The following MYT1L variants were observed in gnomAD, a reference collection of about 807,000 sequenced individuals.
MYT1L encodes the protein myelin transcription factor 1 like.
MYT1L carries 12 observed loss-of-function variants against 126.7 expected under a neutral mutation model. The observed-to-expected ratio is 0.09, with a 90% CI of 0.06 to 0.15. The LOEUF (loss-of-function observed/expected upper bound fraction) is 0.15. MYT1L is among the 10% of genes least tolerant of loss of function. The pLI is 1.00. For synonymous variants in MYT1L, 541 were observed against 604.2 expected (o/e 0.90, Z 1.53); for missense variants, 979 against 1,585.2 (o/e 0.62, Z 6.49).
chr2:2,066,044 T>C (rs2071233949), intron 3 of MYT1L, among the ~76,000 whole-genome samples: 1 of 152,188 alleles, frequency 6.6e-6, no homozygotes, highest in Non-Finnish European at 1.5e-5. Context: ...CCCTTCCCAC[T>C]AAATGTTTAA....
chr2:1,867,547 G>A (rs1028908863), intron 18 of MYT1L, among the ~76,000 whole-genome samples: 3 of 152,200 alleles, frequency 2.0e-5, no homozygotes, highest in Non-Finnish European at 4.4e-5. Flanking sequence ...TCATCTGTCA[G>A]AGGAGGATTA....
intron 1 of MYT1L, chr2:2,324,631 G>C (rs920055036): frequency 6.5e-6 from 1 of 152,734 alleles, no homozygotes; most frequent in Non-Finnish European, 1.5e-5. Context: ...GGCGGGTGAA[G>C]TGCAGCCTCC....
chr2:1,956,578 A>T (rs6705958), intron 8 of MYT1L, among the ~76,000 whole-genome samples: 11,060 of 50,310 alleles, frequency 0.22, 868 homozygotes, highest in African/African-American at 0.44. Context: ...TTCCTATTCT[A>T]TCTATCTATC....
In MYT1L at chr2:2,109,940, T is replaced by G. The variant is rs529783225; in HGVS notation, c.-303-55817A>C. Among the ~76,000 whole-genome samples, 3 of 134,046 alleles carry G rather than the reference T, an allele frequency of 2.2e-5. No homozygotes were observed. In the South Asian group the frequency reaches 7.3e-4, roughly 32 times the overall value. The allele number at this position is 134,046 out of a possible 152,430, so 87.9% of individuals were successfully genotyped here. ...ATATATATATCCCTTTCAGAATAAA[T>G]TCGGAGCTAAGAGATTCTAAATCAA... On this transcript the variant is annotated intron_variant, in intron 3 of 24. Coordinates refer to ENST00000647738, the MANE Select transcript of MYT1L (RefSeq NM_001303052.2).
chr2:2,031,585 C>G (rs1182271086), intron 4 of MYT1L, among the ~76,000 whole-genome samples: 2 of 146,906 alleles, frequency 1.4e-5, no homozygotes, highest in Admixed American at 1.3e-4. Flanking sequence ...ACACACACCC[C>G]TCGCCAGTGC....
chr2:1,868,165 G>C (rs1035450385), intron 18 of MYT1L, among the ~76,000 whole-genome samples: 2 of 152,090 alleles, frequency 1.3e-5, no homozygotes, highest in East Asian at 3.9e-4. Flanking sequence ...GTTTCACCAG[G>C]TTGGCCAGGC....
chr2:2,111,658 T>C (rs766387882), intron 3 of MYT1L, among the ~76,000 whole-genome samples: 2 of 152,230 alleles, frequency 1.3e-5, no homozygotes, highest in Non-Finnish European at 2.9e-5. Context: ...GATCATCAAA[T>C]GATCCATTTG....
chr2:2,238,585 C>T lies in MYT1L; in HGVS notation c.-421+45819G>A, dbSNP rs563603704. Among the ~76,000 whole-genome samples the T allele has an allele frequency of 1.2e-4, 19 of 152,280 alleles. No homozygotes were observed. The South Asian group carries it at 1.7e-3, about 13-fold the overall frequency. The stretch of plus-strand genomic sequence containing the variant: ...TCTTCATTGTTTGGGGAACAGGGAA[C>T]GCTAAGGGATCGGCACCCACCAGCA... On this transcript the variant is annotated intron_variant, in intron 2 of 24. Transcript: ENST00000647738.
At chr2:2,096,972 G>A (rs1006747108) in intron 3 of MYT1L, among the ~76,000 whole-genome samples, 2 of 152,094 alleles carry the variant, frequency 1.3e-5, no homozygotes, top group African/African-American at 4.8e-5. Context: ...CTCCTCTCAC[G>A]CCAGCGGCGG....
intron 3 of MYT1L, among the ~76,000 whole-genome samples, chr2:2,165,288 T>TCACACA (rs34958118): frequency 6.7e-6 from 1 of 148,486 alleles, no homozygotes; most frequent in South Asian, 2.1e-4. Flanking sequence ...CACAAACCAA[T>TCACACA]CACACACACA....
rs1484964616 is a variant in MYT1L, at chr2:1,943,048, C to T, written c.439G>A (p.Glu147Lys). 1 of 1,490,824 alleles carries T rather than the reference C, an allele frequency of 6.7e-7. No individual in the cohort carries two copies. The allele number at this position is 1,490,824 out of a possible 1,614,324, so 92.3% of individuals were successfully genotyped here. A position where few individuals can be genotyped will look rare whatever the true frequency, so the allele number is the denominator to read the frequency against. The part of the protein sequence containing the change: ...EEDEDDDEDG[E>K]DVEDEEEEEE... Reference sequence around the variant, plus strand: ...TCCTCTTCTTCATCCTCCACATCTTCTCCATCCTCGTCATCGTCCTCATCC... The same window carrying T: ...TCCTCTTCTTCATCCTCCACATCTTTTCCATCCTCGTCATCGTCCTCATCC... Residue 147 changes from glutamate to lysine, a missense_variant, in exon 9 of 25, where the codon GAA (glutamate) becomes AAA (lysine). By Grantham distance (56) the Glu-to-Lys change is moderately conservative. Coordinates refer to ENST00000647738, the MANE Select transcript of MYT1L (RefSeq NM_001303052.2). This position sits in a 1 kb window ranked among gnomAD's most constrained non-coding sequence, Gnocchi z 4.4.
intron 1 of MYT1L, chr2:2,324,943 G>A (rs2096226297): frequency 1.3e-5 from 2 of 152,262 alleles, no homozygotes; most frequent in Admixed American, 1.3e-4. Context: ...GACACGAGTG[G>A]AGATGTGTGC....
rs981747531 is a variant in MYT1L at position 2,224,169 on chromosome 2, G to C, written c.-420-51181C>G. 1.1e-4 allele frequency among the ~76,000 whole-genome samples: 16 copies of C among 152,214 alleles called. No individual in the cohort carries two copies. Among genetic ancestry groups the C allele is most frequent in the Admixed American group, 9.8e-4 (15 of 15,284 alleles). On this transcript the variant is annotated intron_variant, in intron 2 of 24. Coordinates refer to ENST00000647738, the MANE Select transcript of MYT1L (RefSeq NM_001303052.2). This position sits in a 1 kb window ranked among gnomAD's most constrained non-coding sequence, Gnocchi z 4.0. ...CTTCCAGTGAGCCTTTGGTCAATTTGTATGTGAACAGGATCTTCTGCCTTT... is the reference window on the plus strand; with the variant it reads ...CTTCCAGTGAGCCTTTGGTCAATTTCTATGTGAACAGGATCTTCTGCCTTT...
intron 4 of MYT1L, among the ~76,000 whole-genome samples, chr2:2,037,813 A>T (rs1009829158): frequency 2.4e-4 from 27 of 114,750 alleles, no homozygotes; most frequent in Non-Finnish European, 4.9e-4. Flanking sequence ...ACAAAAAAAA[A>T]ACCCCCTACA....
At chr2:1,927,160 A>C (rs1367349861) in intron 9 of MYT1L, among the ~76,000 whole-genome samples, 2 of 152,218 alleles carry the variant, frequency 1.3e-5, no homozygotes, top group African/African-American at 4.8e-5. Context: ...AAATCAGAGA[A>C]GAGCTGGCCC....
At chr2:2,109,278 G>C (rs1159484946) in intron 3 of MYT1L, among the ~76,000 whole-genome samples, 1 of 152,196 alleles carries the variant, frequency 6.6e-6, no homozygotes, top group Admixed American at 6.5e-5. Flanking sequence ...TGTGTCCCAG[G>C]AGTAGCAGGA....
intron 2 of MYT1L, among the ~76,000 whole-genome samples, chr2:2,236,814 CTTT>C (rs1321418446): frequency 3.8e-3 from 27 of 7,060 alleles, no homozygotes; most frequent in African/African-American, 0.016. Flanking sequence ...TCTTCTTCTT[CTTT>C]TTTTTTTTTT....
At chr2:2,133,270 A>G (rs946628914) in intron 3 of MYT1L, among the ~76,000 whole-genome samples, 9 of 152,186 alleles carry the variant, frequency 5.9e-5, no homozygotes, top group South Asian at 2.1e-4. Flanking sequence ...TCCTACATAC[A>G]GTTAGTGTCA....
Position 1,819,912 on chromosome 2 carries a change from C to T in MYT1L, c.3081-10745G>A, listed in dbSNP as rs982105955. Among the ~76,000 whole-genome samples the T allele has an allele frequency of 5.9e-5, 9 of 152,148 alleles. 1 individual carries two copies. Among genetic ancestry groups the T allele is most frequent in the African/African-American group, 1.9e-4 (8 of 41,430 alleles). ...GCCTTACAGAGGAGAATGGATTTAG[C>T]TTCTAGGCAATGACAAAGGATTGGA... On this transcript the variant is annotated intron_variant, in intron 21 of 24. Transcript: ENST00000647738.
Sources: allele counts gnomAD v4.1 joint callset (sites outside exome capture counted in the v4.1 genomes callset), GRCh38; gene constraint gnomAD v4.1.1; non-coding constraint Gnocchi (gnomAD v3.1); transcripts MANE v1.5; gene names NCBI Gene and HGNC (gene_info 2026-07-23, HGNC 2026-07-21).